The following ENO4 variants were observed in gnomAD, a reference collection of about 807,000 sequenced individuals.
The protein encoded by ENO4 is enolase 4.
A neutral mutation model predicts 63.2 loss-of-function variants in ENO4; 53 were observed. The observed-to-expected ratio is 0.84, with a 90% CI of 0.67 to 1.05. The LOEUF is 1.05. Ranked by LOEUF, ENO4 falls within the 50% of genes least tolerant of loss-of-function variation. The pLI is 0.00. For synonymous variants in ENO4, 266 were observed against 283.8 expected, an observed-to-expected ratio of 0.94 and a Z score of 0.63; for missense variants, 719 against 772.0, an observed-to-expected ratio of 0.93 and a Z score of 0.81.
chr10:116,859,130 A>G lies in ENO4; in HGVS notation c.626A>G (p.Gln209Arg). 1 of 1,525,518 alleles carries G rather than the reference A, an allele frequency of 6.6e-7. No individual in the cohort carries two copies. Among genetic ancestry groups the G allele is most frequent in the Non-Finnish European group, 8.8e-7 (1 of 1,142,398 alleles). 94.5% of individuals were successfully genotyped at this position (1,525,518 alleles called of 1,614,324 possible). Residue 209 changes from glutamine (Q) to arginine (R), a missense_variant, in exon 4 of 14, where the codon CAA becomes CGA. Gln to Arg is a conservative substitution (Grantham distance 43, BLOSUM62 1). Transcript: ENST00000341276. ...CCACCTCCTACCAAAAAAAAGGGGC[A>G]AAAGCCAGGTTGGTTGGTGACTTAT... ...PPPPPTKKKG[Q>R]KPGRKDTITE...
chr10:116,879,225 T>C, intron 11 of ENO4, 66 bp from the exon 12 acceptor site: 2 of 1,147,518 alleles, frequency 1.7e-6, no homozygotes, highest in South Asian at 1.5e-5. Context: ...TAAATTTTGA[T>C]CCCAGAGGCC....
chr10:116,890,352 A>T (rs1350505738), intron 10 of ENO4, among the ~76,000 whole-genome samples: 3 of 152,200 alleles, frequency 2.0e-5, no homozygotes, highest in Non-Finnish European at 4.4e-5. Flanking sequence ...GCTGACAGGG[A>T]TCACCATGGT....
At position 116,876,080 on chromosome 10, in the gene ENO4, G is replaced by C; in HGVS notation, c.1357G>C (p.Asp453His). 3 of 1,546,774 alleles carry C rather than the reference G, an allele frequency of 1.9e-6. No individual in the cohort carries two copies. Among genetic ancestry groups the C allele is most frequent in the Non-Finnish European group, 2.6e-6 (3 of 1,145,510 alleles). Residue 453 changes from aspartate to histidine, a missense_variant, in exon 11 of 14, where the codon GAC (aspartate) becomes CAC (histidine). This residue lies in a region of ENO4 where 544 missense variants were observed against 583.6 expected (regional missense o/e 0.93). Transcript: ENST00000341276. Reference sequence around the variant, plus strand: ...ATTTACCCAGGACTCTGAACAGTGGGACAGCATCTATCACGCACTTGGTTC... The same window carrying C: ...ATTTACCCAGGACTCTGAACAGTGGCACAGCATCTATCACGCACTTGGTTC... ...PFRKEDSEQW[D>H]SIYHALGSRC...
downstream of ENO4, chr10:116,885,753 A>G (rs1434283020): frequency 6.6e-6 from 1 of 152,652 alleles, no homozygotes; most frequent in Non-Finnish European, 1.5e-5. Context: ...TTTTCATCCA[A>G]TAGTTAACAA....
rs1223175991 is a variant in ENO4, at chr10:116,874,218, CCATATTTTATAA to C, written c.1341+29_1341+40del. On this transcript the variant is annotated intron_variant, in intron 10 of 13. Coordinates refer to ENST00000341276, the MANE Select transcript of ENO4 (RefSeq NM_001242699.2). The stretch of plus-strand genomic sequence containing the variant: ...AGGAAGGAGGTAAGCACCCCACCTT[CCATATTTTATAA>C]CATATTTTATATGCCATAAGATAGG... The C allele has an allele frequency of 6.6e-7, 1 of 1,516,972 alleles. No individual in the cohort carries two copies. The highest frequency in any genetic ancestry group is 2.5e-5 in the East Asian group (1 of 40,292). The allele number at this position is 1,516,972 out of a possible 1,614,324, so 94.0% of individuals were successfully genotyped here.
rs750192789 is a variant in ENO4 at position 116,876,223 on chromosome 10, A to G, written c.1500A>G (p.Thr500=). The G allele has an allele frequency of 1.3e-5, 20 of 1,548,898 alleles. No individual in the cohort carries two copies. The highest frequency in any genetic ancestry group is 1.4e-5 in the Non-Finnish European group (16 of 1,146,454). Residue 500 remains threonine (T), a synonymous_variant, in exon 11 of 14, where the codon ACA becomes ACG. Transcript: ENST00000341276. The stretch of plus-strand genomic sequence containing the variant: ...TCATAAAACACACAAACCAAACTAC[A>G]ATGTCTGACTTGGTGGAAATAACCA... ...GLIIKHTNQT[T]MSDLVEITNL...
chr10:116,894,099 A>G (rs1308707395), intron 10 of ENO4, among the ~76,000 whole-genome samples: 1 of 152,118 alleles, frequency 6.6e-6, no homozygotes, highest in Non-Finnish European at 1.5e-5. Context: ...TTTTTCTTTC[A>G]TGGAAATGTT....
chr10:116,858,983 T>G lies in ENO4; in HGVS notation c.486-7T>G. 6.6e-7 allele frequency: 1 copy of G among 1,524,720 alleles called. No homozygotes were observed. The highest frequency in any genetic ancestry group is 1.2e-5 in the South Asian group (1 of 83,272). 94.4% of individuals were successfully genotyped at this position (1,524,720 alleles called of 1,614,324 possible). ...CCACTGTAAAGCCATATTTTCTTGCTATTAAGGATATTCTTCGCAAGTAAA... is the reference window on the plus strand; with the variant it reads ...CCACTGTAAAGCCATATTTTCTTGCGATTAAGGATATTCTTCGCAAGTAAA... On this transcript the variant is annotated splice_region_variant and splice_polypyrimidine_tract_variant and intron_variant, in intron 3 of 13. Transcript: ENST00000341276.
chr10:116,904,341 C>T (rs1847874633), intron 10 of ENO4, among the ~76,000 whole-genome samples: 1 of 152,130 alleles, frequency 6.6e-6, no homozygotes. Context: ...ATGGTAAAAG[C>T]CACCTCTAGT....
intron 10 of ENO4, chr10:116,901,218 A>G: frequency 1.0e-6 from 1 of 985,330 alleles, no homozygotes; most frequent in African/African-American, 1.7e-5. Flanking sequence ...TCTGAAACAC[A>G]TTCAATAGCA....
chr10:116,865,020 G>A (rs549787646), intron 7 of ENO4, among the ~76,000 whole-genome samples: 11 of 152,080 alleles, frequency 7.2e-5, no homozygotes, highest in Non-Finnish European at 1.5e-4. Context: ...ACTCCGTCTC[G>A]GGGGGAAAGA....
At position 116,868,676 on chromosome 10, in the gene ENO4, AAAAG is replaced by A. The variant is rs1564849413; in HGVS notation, c.1018_1021del (p.Lys340GlyfsTer22). 1.9e-6 allele frequency: 3 copies of A among 1,550,572 alleles called. No homozygotes were observed. In the South Asian group the frequency reaches 3.6e-5, roughly 18 times the overall value. On this transcript the variant is annotated frameshift_variant, in exon 8 of 14. Coordinates refer to ENST00000341276, the MANE Select transcript of ENO4 (RefSeq NM_001242699.2). LOFTEE classifies it high-confidence loss of function. ...CCTCTCCTCCAAAAGCAGAGACAAA[AAAAG>A]GGCACGATGGAAGCAAAAGAGGTCA...
At chr10:116,874,612 T>A (rs369271608) in intron 10 of ENO4, among the ~76,000 whole-genome samples, 2 of 152,226 alleles carry the variant, frequency 1.3e-5, no homozygotes, top group Non-Finnish European at 2.9e-5. Context: ...ACAGGACTTC[T>A]ATAAGGCCAA....
chr10:116,886,133 T>C (rs995275166), downstream of ENO4: 2 of 641,584 alleles, frequency 3.1e-6, no homozygotes, highest in Admixed American at 6.4e-5. Flanking sequence ...TTTATAAAGA[T>C]CAAAAAACCA....
intron 10 of ENO4, among the ~76,000 whole-genome samples, chr10:116,898,184 TG>T (rs1458070546): frequency 2.6e-5 from 4 of 152,010 alleles, no homozygotes; most frequent in African/African-American, 9.7e-5. Flanking sequence ...AAAAATTAGC[TG>T]GGCATGGTGG....
chr10:116,871,486 T>C (rs1846694123), intron 9 of ENO4, among the ~76,000 whole-genome samples, 194 bp downstream of exon 9: 2 of 152,170 alleles, frequency 1.3e-5, no homozygotes, highest in Admixed American at 1.3e-4. Context: ...AACCATAAAA[T>C]TTTTTAAATA....
At chr10:116,871,724 A>AT (rs1387983136) in intron 9 of ENO4, among the ~76,000 whole-genome samples, 4 of 152,130 alleles carry the variant, frequency 2.6e-5, no homozygotes, top group Non-Finnish European at 5.9e-5. Context: ...AAATATAAAA[A>AT]TTTTTCCAAG....
intron 10 of ENO4, chr10:116,901,290 C>T (rs914100939): frequency 1.0e-6 from 1 of 985,286 alleles, no homozygotes; most frequent in Non-Finnish European, 1.2e-6. Flanking sequence ...TAACTCTTTA[C>T]ATAGTATGTT....
intron 7 of ENO4, among the ~76,000 whole-genome samples, chr10:116,863,388 G>GCACA (rs1846469747): frequency 1.9e-5 from 1 of 53,812 alleles, no homozygotes; most frequent in Non-Finnish European, 5.1e-5. Context: ...ACACACACAC[G>GCACA]CACACACCTT....
Sources: allele counts gnomAD v4.1 joint callset (sites outside exome capture counted in the v4.1 genomes callset), GRCh38; gene constraint gnomAD v4.1.1; regional missense constraint gnomAD v4.1.1; transcripts MANE v1.5; gene names NCBI Gene and HGNC (gene_info 2026-07-23, HGNC 2026-07-21).